Variants in ATCAY observed in about 807,000 individuals in gnomAD.
The protein encoded by ATCAY is ATCAY kinesin light chain interacting caytaxin.
Under a neutral mutation model 47.7 loss-of-function variants are expected in ATCAY, and 22 were observed. That is an observed-to-expected ratio of 0.46 (90% confidence interval 0.33 to 0.66). The LOEUF (loss-of-function observed/expected upper bound fraction) is 0.66. Among genes scored for constraint, ATCAY ranks in the 30% least tolerant of loss-of-function variants. The probability of loss-of-function intolerance (pLI) is 0.02; values close to 1 mark genes in which losing one functional copy is unlikely to be tolerated. For synonymous variants in ATCAY, 216 were observed against 207.6 expected (o/e 1.04, Z -0.35); for missense variants, 452 against 515.0 (o/e 0.88, Z 1.18).
chr19:3,908,722 C>CTCCCCTTCCCTCTCCTCCTCCCCCTCG, intron 6 of ATCAY, among the ~76,000 whole-genome samples: 1 of 53,452 alleles, frequency 1.9e-5, no homozygotes, highest in South Asian at 5.5e-4. Flanking sequence ...TCTCCTCCTC[C>CTCCCCTTCCCTCTCCTCCTCCCCCTCG]TCCCCTTCCC....
intron 1 of ATCAY, among the ~76,000 whole-genome samples, chr19:3,882,871 G>C (rs1164306498): frequency 2.0e-5 from 3 of 151,686 alleles, no homozygotes; most frequent in Non-Finnish European, 4.4e-5. Flanking sequence ...GGCTGGTCTT[G>C]ACCTTCTGGG....
intron 2 of ATCAY, among the ~76,000 whole-genome samples, chr19:3,892,046 C>G (rs374104048): frequency 1.3e-5 from 2 of 152,010 alleles, no homozygotes; most frequent in African/African-American, 4.8e-5. Context: ...CCCACCACCA[C>G]GCCCAGCTAA....
rs930988676 is a variant in ATCAY, at chr19:3,926,556, G to C, written c.*1964G>C. ...AGTGCATCTTGACCTGAGACAGCAAGGAATTGCATTTGGGGTTATTCCAAC... is the reference window on the plus strand; with the variant it reads ...AGTGCATCTTGACCTGAGACAGCAACGAATTGCATTTGGGGTTATTCCAAC... On this transcript the variant is annotated 3_prime_UTR_variant, in exon 13 of 13. Coordinates refer to ENST00000450849, the MANE Select transcript of ATCAY (RefSeq NM_033064.5). The C allele has an allele frequency of 6.6e-6, 1 of 152,244 alleles. No individual in the cohort carries two copies. The highest frequency in any genetic ancestry group is 1.5e-5 in the Non-Finnish European group (1 of 68,064). The allele number at this position is 152,244 out of a possible 1,614,324, so 9.4% of individuals were successfully genotyped here.
Position 3,895,215 on chromosome 19 carries a change from A to AGTTTTTGTTTTTGTTTTT in ATCAY, c.78-7270_78-7253dup, listed in dbSNP as rs566755627. On this transcript the variant is annotated intron_variant, in intron 2 of 12. Transcript: ENST00000450849. ...ACTGTCAGGTAAGAGCTAATGCTGCAGTTTTTGTTTTTGTTTTTGAGACGG... is the reference window on the plus strand; with the variant it reads ...ACTGTCAGGTAAGAGCTAATGCTGCAGTTTTTGTTTTTGTTTTTGTTTTTGTTTTTGTTTTTGAGACGG... The AGTTTTTGTTTTTGTTTTT allele has an allele frequency of 4.9e-3, 2,219 of 455,948 alleles. 43 individuals are homozygous for AGTTTTTGTTTTTGTTTTT. Among genetic ancestry groups the AGTTTTTGTTTTTGTTTTT allele is most frequent in the African/African-American group, 0.04 (2,027 of 50,058 alleles). The allele number at this position is 455,948 out of a possible 1,614,324, so 28.2% of individuals were successfully genotyped here.
At chr19:3,913,306 G>T (rs1285758948) in intron 8 of ATCAY, among the ~76,000 whole-genome samples, 1 of 152,166 alleles carries the variant, frequency 6.6e-6, no homozygotes, top group African/African-American at 2.4e-5. Context: ...CAATAACAGA[G>T]AATCAATGGG....
intron 2 of ATCAY, 33 bp downstream of exon 2, chr19:3,885,877 G>C (rs765457963): frequency 7.8e-6 from 12 of 1,548,010 alleles, no homozygotes; most frequent in Non-Finnish European, 1.0e-5. Context: ...TCAACCGTTG[G>C]GGGAGCAGGT....
At chr19:3,886,340 C>T (rs891363784) in intron 2 of ATCAY, among the ~76,000 whole-genome samples, 2 of 152,140 alleles carry the variant, frequency 1.3e-5, no homozygotes, top group African/African-American at 4.8e-5. Flanking sequence ...TGCCTGTAAT[C>T]CCAGCACTTT....
At chr19:3,885,620 G>T in intron 1 of ATCAY, 107 bp from the exon 2 acceptor site, 3 of 605,518 alleles carry the variant, frequency 5.0e-6, no homozygotes, top group Non-Finnish European at 8.9e-6. Context: ...GGGGAAGGGG[G>T]AGGGGGAGAC....
chr19:3,887,732 C>T (rs1045859621), intron 2 of ATCAY, among the ~76,000 whole-genome samples: 17 of 150,824 alleles, frequency 1.1e-4, no homozygotes, highest in South Asian at 2.1e-4. Context: ...GTGATCCGCC[C>T]ACCTCGGCCT....
Position 3,913,807 on chromosome 19 carries a change from G to A in ATCAY, c.916G>A (p.Glu306Lys). 6.2e-7 allele frequency: 1 copy of A among 1,613,842 alleles called. No individual in the cohort carries two copies. The highest frequency in any genetic ancestry group is 8.5e-7 in the Non-Finnish European group (1 of 1,179,860). ...IQYVHSLEDL[E>K]QLIPMEHVQI... ...GTACGTGCACAGCTTGGAAGACCTG[G>A]AGCAACTCATCCCTATGGAACACGT... The change falls in exon 9 of 13, where the codon GAG (glutamate) becomes AAG (lysine). Residue 306 changes from glutamate to lysine, a missense_variant. Transcript: ENST00000450849.
intron 3 of ATCAY, 59 bp from the exon 4 acceptor site, chr19:3,905,375 G>C (rs2038850761): frequency 2.0e-6 from 3 of 1,469,972 alleles, no homozygotes; most frequent in Non-Finnish European, 2.7e-6. Flanking sequence ...GTAGGAAAAT[G>C]GGGGGAAGGT....
intron 5 of ATCAY, 127 bp downstream of exon 5, chr19:3,908,046 T>C (rs774239605): frequency 5.1e-5 from 66 of 1,306,184 alleles, no homozygotes; most frequent in Non-Finnish European, 6.6e-5. Flanking sequence ...GTGGACGGAC[T>C]GTGGGCAAGG....
In ATCAY at chr19:3,926,869, A is replaced by G. The variant is rs1272958794; in HGVS notation, c.*2277A>G. ...AATGTCAAATCCCGGGCACAGGGGC[A>G]AGACCCTGTCCCGAATTCCCACCCC... On this transcript the variant is annotated 3_prime_UTR_variant, in exon 13 of 13. Transcript: ENST00000450849. The G allele has an allele frequency of 6.6e-6, 1 of 152,212 alleles. No individual in the cohort carries two copies. Among genetic ancestry groups the G allele is most frequent in the Admixed American group, 6.5e-5 (1 of 15,278 alleles). The allele number at this position is 152,212 out of a possible 1,614,324, so 9.4% of individuals were successfully genotyped here.
At chr19:3,895,985 G>A (rs991018197) in intron 2 of ATCAY, among the ~76,000 whole-genome samples, 2 of 152,004 alleles carry the variant, frequency 1.3e-5, no homozygotes, top group African/African-American at 2.4e-5. Context: ...CTGAGTAGCT[G>A]GGATCACAGG....
chr19:3,908,481 C>A, intron 6 of ATCAY, 111 bp downstream of exon 6: 2 of 1,024,680 alleles, frequency 2.0e-6, no homozygotes, highest in Non-Finnish European at 3.0e-6. Flanking sequence ...CTGCCTGGCA[C>A]CAGGGAAGGG....
chr19:3,892,337 G>C (rs956076127), intron 2 of ATCAY, among the ~76,000 whole-genome samples: 1 of 151,454 alleles, frequency 6.6e-6, no homozygotes, highest in Admixed American at 6.6e-5. Flanking sequence ...TGAATACCTG[G>C]GACCACAGGC....
intron 4 of ATCAY, among the ~76,000 whole-genome samples, chr19:3,906,741 T>C (rs1178638001): frequency 6.6e-6 from 1 of 152,130 alleles, no homozygotes; most frequent in Non-Finnish European, 1.5e-5. Flanking sequence ...TTTTGACCAT[T>C]TACTCCAGGG....
At chr19:3,917,939 G>T (rs570397952) in intron 10 of ATCAY, among the ~76,000 whole-genome samples, 162 bp downstream of exon 10, 1 of 152,218 alleles carries the variant, frequency 6.6e-6, no homozygotes, top group South Asian at 2.1e-4. Context: ...CTCAGACCTG[G>T]GTTCAAATAC....
At chr19:3,905,843 AGAGT>A (rs1192131121) in intron 4 of ATCAY, among the ~76,000 whole-genome samples, 188 bp downstream of exon 4, 1 of 152,080 alleles carries the variant, frequency 6.6e-6, no homozygotes, top group African/African-American at 2.4e-5. Flanking sequence ...CCTGGACAAC[AGAGT>A]GAGACCCTGT....
Sources: allele counts gnomAD v4.1 joint callset (sites outside exome capture counted in the v4.1 genomes callset), GRCh38; gene constraint gnomAD v4.1.1; transcripts MANE v1.5; gene names NCBI Gene and HGNC (gene_info 2026-07-23, HGNC 2026-07-21).